Variants in PLCG2 observed in about 807,000 individuals in gnomAD.
PLCG2 encodes 1-phosphatidylinositol 4,5-bisphosphate phosphodiesterase gamma-2.
A neutral mutation model predicts 175.6 loss-of-function variants in PLCG2; 69 were observed. The observed-to-expected ratio is 0.39, with a 90% CI of 0.32 to 0.48. The LOEUF (loss-of-function observed/expected upper bound fraction) is 0.48. Among genes scored for constraint, PLCG2 ranks in the 20% least tolerant of loss-of-function variants. PLCG2 has a pLI of 0.91. For synonymous variants in PLCG2, 827 were observed against 624.0 expected (o/e 1.33, Z -4.85); for missense variants, 1,798 against 1,650.9 (o/e 1.09, Z -1.54).
chr16:81,840,690 G>C (rs747159776), intron 2 of PLCG2, among the ~76,000 whole-genome samples: 1 of 152,190 alleles, frequency 6.6e-6, no homozygotes, highest in East Asian at 1.9e-4. Context: ...AGCTCAGGCA[G>C]TAATGTTCGC....
At chr16:81,892,802 T>A (rs1441007530) in intron 11 of PLCG2, among the ~76,000 whole-genome samples, 2 of 151,966 alleles carry the variant, frequency 1.3e-5, no homozygotes, top group African/African-American at 4.8e-5. Flanking sequence ...CCTGATCCTG[T>A]CCCTCCTACC....
chr16:81,909,793 C>T (rs1387667353), intron 17 of PLCG2, among the ~76,000 whole-genome samples: 3 of 152,206 alleles, frequency 2.0e-5, no homozygotes, highest in East Asian at 1.9e-4. Context: ...GTATTCGAGA[C>T]ACCTTGTGTG....
chr16:81,931,306 T>C (rs1376013045), intron 24 of PLCG2, 191 bp from the exon 25 acceptor site: 1 of 478,536 alleles, frequency 2.1e-6, no homozygotes, highest in Non-Finnish European at 3.7e-6. Context: ...CTACTGAATC[T>C]ACTGCATCCC....
intron 2 of PLCG2, among the ~76,000 whole-genome samples, chr16:81,844,070 G>C (rs1335963841): frequency 1.4e-5 from 2 of 143,620 alleles, no homozygotes; most frequent in Non-Finnish European, 3.0e-5. Flanking sequence ...TCTGCCTCCC[G>C]GGTTTATGCC....
chr16:81,901,153 A>G (rs1567523775), intron 14 of PLCG2, among the ~76,000 whole-genome samples: 1 of 152,096 alleles, frequency 6.6e-6, no homozygotes, highest in Non-Finnish European at 1.5e-5. Flanking sequence ...TCTCTCGGAG[A>G]CAGCCCCATG....
At chr16:81,824,041 TTCCTTTCCTGTCCTG>T (rs1286602167) in intron 2 of PLCG2, among the ~76,000 whole-genome samples, 33 of 75,980 alleles carry the variant, frequency 4.3e-4, no homozygotes, top group South Asian at 5.1e-4. Context: ...TTCCTTTCCT[TTCCTTTCCTGTCCTG>T]TCCTGTCCTG....
intron 2 of PLCG2, among the ~76,000 whole-genome samples, chr16:81,834,959 C>T (rs541989103): frequency 2.0e-5 from 3 of 152,134 alleles, no homozygotes; most frequent in Non-Finnish European, 4.4e-5. Flanking sequence ...GTAATCTGCT[C>T]TCTGGAGAAC....
chr16:81,764,944 C>T (rs546942003), intron 2 of PLCG2, among the ~76,000 whole-genome samples: 33 of 151,934 alleles, frequency 2.2e-4, no homozygotes, highest in African/African-American at 8.0e-4. Flanking sequence ...AAAAAATTAG[C>T]CGGGCATAGT....
Position 81,962,331 on chromosome 16 carries a change from A to G in PLCG2, c.*4333A>G, listed in dbSNP as rs1381017538. ...CGTAAAAGCTATCTTCTAACCAACA[A>G]AAAGTTAATAATTAGATTTGGAATT... On this transcript the variant is annotated 3_prime_UTR_variant, in exon 33 of 33. Coordinates refer to ENST00000564138, the MANE Select transcript of PLCG2 (RefSeq NM_002661.5). 4.9e-6 allele frequency: 1 copy of G among 205,226 alleles called. No individual in the cohort carries two copies. The allele number at this position is 205,226 out of a possible 1,614,324, so 12.7% of individuals were successfully genotyped here. A position where few individuals can be genotyped will look rare whatever the true frequency, so the allele number is the denominator to read the frequency against.
chr16:81,830,806 T>TGGGAA (rs943158143), intron 2 of PLCG2, among the ~76,000 whole-genome samples: 1 of 149,116 alleles, frequency 6.7e-6, no homozygotes, highest in Non-Finnish European at 1.5e-5. Context: ...TGGAGGGGGA[T>TGGGAA]GGGAAGGGTG....
chr16:81,885,361 C>G (rs904104835), intron 9 of PLCG2, among the ~76,000 whole-genome samples: 1 of 152,022 alleles, frequency 6.6e-6, no homozygotes, highest in East Asian at 1.9e-4. Flanking sequence ...ACAGGATTTC[C>G]CCATGTTGCT....
intron 2 of PLCG2, among the ~76,000 whole-genome samples, chr16:81,840,003 G>A (rs967703075): frequency 6.6e-6 from 1 of 152,212 alleles, no homozygotes; most frequent in Non-Finnish European, 1.5e-5. Flanking sequence ...GATGCAGTGA[G>A]CTGTGATTGT....
At chr16:81,859,262 A>T in intron 5 of PLCG2, 99 bp downstream of exon 5, 1 of 782,612 alleles carries the variant, frequency 1.3e-6, no homozygotes, top group Non-Finnish European at 2.3e-6. Flanking sequence ...GTCGGGAGCA[A>T]GGTCCTCACT....
At position 81,951,872 on chromosome 16, in the gene PLCG2, T is replaced by C. The variant is rs1735569446; in HGVS notation, c.3571-4823T>C. Among the ~76,000 whole-genome samples the C allele has an allele frequency of 2.0e-5, 3 of 152,184 alleles. No homozygotes were observed. The South Asian group carries it at 6.2e-4, about 31-fold the overall frequency. On this transcript the variant is annotated intron_variant, in intron 31 of 32. Coordinates refer to ENST00000564138, the MANE Select transcript of PLCG2 (RefSeq NM_002661.5). ...AATCAGTATAATTTTAGAAAAAAGG[T>C]CGAGTGATCTCTATTGTATACAAAT...
chr16:81,918,541 G>A (rs1041220721), intron 19 of PLCG2, among the ~76,000 whole-genome samples: 13 of 152,030 alleles, frequency 8.6e-5, no homozygotes, highest in African/African-American at 2.9e-4. Flanking sequence ...CATCTTTATT[G>A]AAGATCAGTT....
intron 3 of PLCG2, among the ~76,000 whole-genome samples, chr16:81,855,295 C>A (rs1446569649): frequency 1.3e-5 from 2 of 152,046 alleles, no homozygotes; most frequent in Non-Finnish European, 2.9e-5. Context: ...GTCCTGAGAT[C>A]TTCTGTTGCA....
At chr16:81,848,697 G>C (rs548802546) in intron 2 of PLCG2, among the ~76,000 whole-genome samples, 5 of 152,204 alleles carry the variant, frequency 3.3e-5, no homozygotes, top group African/African-American at 1.2e-4. Context: ...CTCTTTCCAA[G>C]AACTACTTAT....
At chr16:81,875,628 C>T (rs1376560126) in intron 7 of PLCG2, among the ~76,000 whole-genome samples, 2 of 152,200 alleles carry the variant, frequency 1.3e-5, no homozygotes, top group African/African-American at 2.4e-5. Context: ...CATCAAGCAG[C>T]GTATCAGGTC....
At chr16:81,893,664 C>T (rs1202185776) in intron 11 of PLCG2, 45 bp from the exon 12 acceptor site, 9 of 1,211,678 alleles carry the variant, frequency 7.4e-6, no homozygotes, top group South Asian at 1.2e-5. Flanking sequence ...CCCCCAACCC[C>T]TGTGGCTGCC....
Sources: allele counts gnomAD v4.1 joint callset (sites outside exome capture counted in the v4.1 genomes callset), GRCh38; gene constraint gnomAD v4.1.1; transcripts MANE v1.5; gene names NCBI Gene and HGNC (gene_info 2026-07-23, HGNC 2026-07-21).